Variants in PCDHGA2 observed in about 807,000 individuals in gnomAD.
PCDHGA2 encodes the protein protocadherin gamma-A2.
Under a neutral mutation model 59.2 loss-of-function variants are expected in PCDHGA2, and 40 were observed. That is an observed-to-expected ratio of 0.68 (90% CI 0.52 to 0.88). The LOEUF is 0.88. Ranked by LOEUF, PCDHGA2 falls within the 40% of genes least tolerant of loss-of-function variation. The probability of loss-of-function intolerance (pLI) is 0.00; values close to 1 mark genes in which losing one functional copy is unlikely to be tolerated. For missense variants in PCDHGA2, 1,226 were observed against 1,204.0 expected (o/e 1.02, Z -0.27); for synonymous variants, 560 against 526.0 (o/e 1.06, Z -0.89).
chr5:141,478,013 C>G (rs768425714), intron 1 of PCDHGA2: 6 of 1,614,136 alleles, frequency 3.7e-6, no homozygotes. Flanking sequence ...TACTGCCCGT[C>G]CAGTCCAAGA....
intron 1 of PCDHGA2, chr5:141,391,390 C>G (rs1268177633): frequency 6.6e-6 from 1 of 151,476 alleles, no homozygotes; most frequent in Non-Finnish European, 1.5e-5. Context: ...ATAGCTCCCT[C>G]CAGCCTCAAA....
chr5:141,432,094 C>G lies in PCDHGA2; in HGVS notation c.2425-62713C>G. On this transcript the variant is annotated intron_variant, in intron 1 of 3. Transcript: ENST00000394576. This position sits in a 1 kb window ranked among gnomAD's most constrained non-coding sequence, Gnocchi z 6.0. ...ATATCTCGCTGAACGTGGCAGACAC[C>G]AACGACAACCCGCCGGTCTTCCCTC... The G allele has an allele frequency of 6.2e-7, 1 of 1,614,178 alleles. No homozygotes were observed. The highest frequency in any genetic ancestry group is 8.5e-7 in the Non-Finnish European group (1 of 1,180,046).
intron 1 of PCDHGA2, chr5:141,372,805 A>C: frequency 6.3e-7 from 1 of 1,592,964 alleles, no homozygotes; most frequent in Non-Finnish European, 8.6e-7. Flanking sequence ...GGCAATTTGC[A>C]AAAGGTGAGT....
chr5:141,460,576 G>A (rs2098992216), intron 1 of PCDHGA2, among the ~76,000 whole-genome samples: 1 of 152,082 alleles, frequency 6.6e-6, no homozygotes, highest in Non-Finnish European at 1.5e-5. Flanking sequence ...ACATATGTAG[G>A]TGTGGGTTTT....
intron 1 of PCDHGA2, among the ~76,000 whole-genome samples, chr5:141,387,169 T>C (rs1428422324): frequency 4.6e-5 from 7 of 152,140 alleles, no homozygotes; most frequent in East Asian, 1.9e-4. Flanking sequence ...TAAGTATAAA[T>C]TGCACCTTCT....
intron 1 of PCDHGA2, chr5:141,375,050 G>A: frequency 6.2e-7 from 1 of 1,614,046 alleles, no homozygotes; most frequent in Non-Finnish European, 8.5e-7. Flanking sequence ...TGAAGCCCGG[G>A]ATGGGCCAGG....
intron 1 of PCDHGA2, chr5:141,413,404 C>T: frequency 6.2e-7 from 1 of 1,614,046 alleles, no homozygotes; most frequent in Non-Finnish European, 8.5e-7. Context: ...AGGTAGGACG[C>T]AGCTTTTCTC....
intron 1 of PCDHGA2, chr5:141,415,481 A>G: frequency 1.9e-6 from 3 of 1,614,114 alleles, no homozygotes; most frequent in Non-Finnish European, 1.7e-6. Flanking sequence ...GACTCGCGAA[A>G]GAGTCACCTG....
intron 2 of PCDHGA2, among the ~76,000 whole-genome samples, chr5:141,503,950 C>T (rs1216385793): frequency 3.3e-5 from 5 of 152,180 alleles, no homozygotes; most frequent in Non-Finnish European, 7.3e-5. Flanking sequence ...CAAGGCCTAC[C>T]CTACAGCCTT....
chr5:141,402,233 AT>A (rs1490030425), intron 1 of PCDHGA2, among the ~76,000 whole-genome samples: 1 of 152,070 alleles, frequency 6.6e-6, no homozygotes, highest in Non-Finnish European at 1.5e-5. Flanking sequence ...TTTTCCAGGA[AT>A]TTTATCATCA....
intron 1 of PCDHGA2, among the ~76,000 whole-genome samples, chr5:141,488,238 C>G (rs374846692): frequency 6.6e-6 from 1 of 152,154 alleles, no homozygotes; most frequent in African/African-American, 2.4e-5. Context: ...GAACTAGATG[C>G]GGTAAATTGG....
intron 1 of PCDHGA2, chr5:141,399,822 C>T (rs755182775): frequency 1.2e-6 from 2 of 1,613,084 alleles, no homozygotes; most frequent in Admixed American, 3.3e-5. Context: ...CGCTGGGTCC[C>T]GACGGCTCTG....
chr5:141,403,986 C>A (rs367739607), intron 1 of PCDHGA2: 12 of 1,613,586 alleles, frequency 7.4e-6, no homozygotes, highest in Admixed American at 1.7e-5. Flanking sequence ...GACAATAGAC[C>A]TGAAGTGACC....
rs2097400915 is a variant in PCDHGA2, at chr5:141,431,619, A to G, written c.2425-63188A>G. The stretch of plus-strand genomic sequence containing the variant: ...TATTCCTTCCGGTATGTGGACGACA[A>G]GGCGGCCCAAGTTTTCAAACTAGAT... On this transcript the variant is annotated intron_variant, in intron 1 of 3. Coordinates refer to ENST00000394576, the MANE Select transcript of PCDHGA2 (RefSeq NM_018915.4). The surrounding 1 kb of genome is among the most constrained non-coding windows in gnomAD (Gnocchi z 4.8). 3.1e-6 allele frequency: 5 copies of G among 1,614,230 alleles called. No homozygotes were observed. The highest frequency in any genetic ancestry group is 4.5e-5 in the East Asian group (2 of 44,880).
At position 141,511,855 on chromosome 5, in the gene PCDHGA2, ATTGT is replaced by A. The variant is rs2099883980; in HGVS notation, c.*686_*689del. ...GGACCAGTCTTCTGTTTTGTTTTTCATTGTTTGACGTTTCCACTGCATGCCTTGA... is the reference window on the plus strand; with the variant it reads ...GGACCAGTCTTCTGTTTTGTTTTTCATTGACGTTTCCACTGCATGCCTTGA... On this transcript the variant is annotated 3_prime_UTR_variant, in exon 4 of 4. Coordinates refer to ENST00000394576, the MANE Select transcript of PCDHGA2 (RefSeq NM_018915.4). 1 of 156,316 alleles carries A rather than the reference ATTGT, an allele frequency of 6.4e-6. No individual in the cohort carries two copies. Among genetic ancestry groups the A allele is most frequent in the South Asian group, 2.0e-4 (1 of 5,082 alleles). The allele number at this position is 156,316 out of a possible 1,614,324, so 9.7% of individuals were successfully genotyped here.
intron 1 of PCDHGA2, chr5:141,370,522 G>A: frequency 6.2e-7 from 1 of 1,613,884 alleles, no homozygotes; most frequent in Non-Finnish European, 8.5e-7. Context: ...GAGCTGGACA[G>A]GGGCTCGCTG....
chr5:141,489,060 TC>T lies in PCDHGA2; in HGVS notation c.2425-5741del, dbSNP rs1037208652. 41 of 300,146 alleles carry T rather than the reference TC, an allele frequency of 1.4e-4. No individual in the cohort carries two copies. The highest frequency in any genetic ancestry group is 2.3e-4 in the Non-Finnish European group (38 of 162,914). The allele number at this position is 300,146 out of a possible 1,614,324, so 18.6% of individuals were successfully genotyped here. A position where few individuals can be genotyped will look rare whatever the true frequency, so the allele number is the denominator to read the frequency against. On this transcript the variant is annotated intron_variant, in intron 1 of 3. Coordinates refer to ENST00000394576, the MANE Select transcript of PCDHGA2 (RefSeq NM_018915.4). This position sits in a 1 kb window ranked among gnomAD's most constrained non-coding sequence, Gnocchi z 4.5. ...CAGCTCCACTCAAATTCAGCTCCCC[TC>T]CCCCCTGCCCACCCCCGCCACTCGG...
intron 1 of PCDHGA2, chr5:141,475,801 A>G: frequency 3.2e-6 from 1 of 312,546 alleles, no homozygotes. Flanking sequence ...AGGAAGCCAA[A>G]GGAAAGTGAA....
intron 1 of PCDHGA2, among the ~76,000 whole-genome samples, chr5:141,358,251 T>C (rs906143895): frequency 8.5e-5 from 13 of 152,228 alleles, no homozygotes; most frequent in Non-Finnish European, 1.5e-4. Flanking sequence ...TAGGTGTTCC[T>C]GAAAAGATAC....
Sources: allele counts gnomAD v4.1 joint callset (sites outside exome capture counted in the v4.1 genomes callset), GRCh38; gene constraint gnomAD v4.1.1; non-coding constraint Gnocchi (gnomAD v3.1); transcripts MANE v1.5; gene names NCBI Gene and HGNC (gene_info 2026-07-23, HGNC 2026-07-21).